The following SLC35F4 variants were observed in gnomAD, a reference collection of about 807,000 sequenced individuals.
The protein encoded by SLC35F4 is solute carrier family 35 member F4.
Under a neutral mutation model 44.2 loss-of-function variants are expected in SLC35F4, and 24 were observed. The observed-to-expected ratio is 0.54, with a 90% CI of 0.39 to 0.76. The LOEUF (loss-of-function observed/expected upper bound fraction) is 0.76, where lower values mean the gene tolerates loss of function less well. Ranked by LOEUF, SLC35F4 falls within the 30% of genes least tolerant of loss-of-function variation. The pLI is 0.00. For missense variants in SLC35F4, 562 were observed against 586.1 expected, an observed-to-expected ratio of 0.96 and a Z score of 0.42; for synonymous variants, 238 against 223.6, an observed-to-expected ratio of 1.06 and a Z score of -0.57.
rs148679154 is a variant in SLC35F4, at chr14:57,957,672, T to C, written n.282+24241A>G. ...CAATCATGCAGAGACAACCAGAGGATAGAGGCAGAGAAGGAGGCAGCAAAG... is the reference window on the plus strand; with the variant it reads ...CAATCATGCAGAGACAACCAGAGGACAGAGGCAGAGAAGGAGGCAGCAAAG... On this transcript the variant is annotated intron_variant and non_coding_transcript_variant, in intron 1 of 1. Transcript: ENST00000556568. 1.7e-4 allele frequency among the ~76,000 whole-genome samples: 26 copies of C among 152,046 alleles called. No homozygotes were observed. In the East Asian group the frequency reaches 5.0e-3, roughly 30 times the overall value.
intron 1 of SLC35F4, among the ~76,000 whole-genome samples, chr14:57,881,513 C>T (rs1268289097): frequency 2.0e-5 from 3 of 152,098 alleles, no homozygotes; most frequent in Admixed American, 6.6e-5. Context: ...ATCAACTTCT[C>T]TAAAATCTGG....
chr14:57,682,087 C>T (rs1290507125), intron 1 of SLC35F4, among the ~76,000 whole-genome samples: 1 of 152,066 alleles, frequency 6.6e-6, no homozygotes, highest in Admixed American at 6.6e-5. Context: ...GACAGTGTGG[C>T]GATTCCTCAA....
intron 1 of SLC35F4, among the ~76,000 whole-genome samples, chr14:57,895,051 T>C (rs1245398868): frequency 6.6e-6 from 1 of 152,108 alleles, no homozygotes; most frequent in Non-Finnish European, 1.5e-5. Flanking sequence ...TGAACATAGG[T>C]GGAAGCTATA....
At chr14:57,854,605 T>C (rs545595328) in intron 1 of SLC35F4, among the ~76,000 whole-genome samples, 11 of 152,308 alleles carry the variant, frequency 7.2e-5, no homozygotes, top group African/African-American at 2.6e-4. Context: ...CATCTTCAGC[T>C]GAGATTCCAC....
chr14:57,832,661 A>G (rs1422391975), intron 1 of SLC35F4, among the ~76,000 whole-genome samples: 6 of 152,220 alleles, frequency 3.9e-5, no homozygotes, highest in East Asian at 3.8e-4. Flanking sequence ...AATGATAACT[A>G]AAGTCCTGAT....
At chr14:57,900,898 G>A (rs1046176278) in intron 1 of SLC35F4, among the ~76,000 whole-genome samples, 1 of 152,142 alleles carries the variant, frequency 6.6e-6, no homozygotes, top group Non-Finnish European at 1.5e-5. Flanking sequence ...CATACATGCA[G>A]CCAACAAACA....
intron 1 of SLC35F4, among the ~76,000 whole-genome samples, chr14:57,598,258 G>A (rs1196725557): frequency 6.6e-6 from 1 of 152,160 alleles, no homozygotes; most frequent in Non-Finnish European, 1.5e-5. Flanking sequence ...CACAGCTTTA[G>A]CCTTCTGAGA....
chr14:57,943,778 C>T (rs1268078497), intron 1 of SLC35F4, among the ~76,000 whole-genome samples: 1 of 152,176 alleles, frequency 6.6e-6, no homozygotes, highest in Non-Finnish European at 1.5e-5. Flanking sequence ...TGAGAAAGTG[C>T]CAAGTTTGGT....
At chr14:57,883,346 C>G (rs1470562980) in intron 1 of SLC35F4, among the ~76,000 whole-genome samples, 1 of 152,156 alleles carries the variant, frequency 6.6e-6, no homozygotes, top group Non-Finnish European at 1.5e-5. Context: ...TGACTGCAGT[C>G]GTCAGGCGAT....
intron 1 of SLC35F4, among the ~76,000 whole-genome samples, chr14:57,652,098 G>A (rs2073804528): frequency 6.6e-6 from 1 of 152,194 alleles, no homozygotes; most frequent in Admixed American, 6.5e-5. Context: ...AGGAGTCTCA[G>A]CCTGTAACAT....
At chr14:57,822,828 C>A (rs890077999) in intron 1 of SLC35F4, among the ~76,000 whole-genome samples, 6 of 152,140 alleles carry the variant, frequency 3.9e-5, no homozygotes, top group Non-Finnish European at 7.3e-5. Context: ...TTGTGGCTTT[C>A]TCCTCTTATG....
chr14:57,823,522 G>A (rs1883403401), intron 1 of SLC35F4, among the ~76,000 whole-genome samples: 1 of 152,168 alleles, frequency 6.6e-6, no homozygotes, highest in Non-Finnish European at 1.5e-5. Flanking sequence ...CCCCTGAGGG[G>A]CCCTGCTGTC....
intron 1 of SLC35F4, among the ~76,000 whole-genome samples, chr14:57,657,264 T>A (rs906972549): frequency 6.6e-6 from 1 of 152,204 alleles, no homozygotes; most frequent in Non-Finnish European, 1.5e-5. Context: ...GGTTTTTCAG[T>A]CCTTTTTTTT....
chr14:57,902,942 A>G (rs1889036509), intron 1 of SLC35F4, among the ~76,000 whole-genome samples: 3 of 152,010 alleles, frequency 2.0e-5, no homozygotes, highest in Non-Finnish European at 4.4e-5. Flanking sequence ...TACACAACAC[A>G]TCTTTGCTGA....
At chr14:57,732,657 T>C (rs2076370455) in intron 1 of SLC35F4, among the ~76,000 whole-genome samples, 1 of 152,178 alleles carries the variant, frequency 6.6e-6, no homozygotes, top group Non-Finnish European at 1.5e-5. Flanking sequence ...AGGCAGGACC[T>C]GCTGTGAAAG....
intron 1 of SLC35F4, among the ~76,000 whole-genome samples, chr14:57,805,935 T>C (rs1445575051): frequency 1.3e-5 from 2 of 152,332 alleles, no homozygotes; most frequent in Admixed American, 6.5e-5. Flanking sequence ...TTTGGAATAT[T>C]CTCAGAATTG....
At chr14:57,587,447 A>C (rs771328411) in intron 3 of SLC35F4, among the ~76,000 whole-genome samples, 4 of 152,252 alleles carry the variant, frequency 2.6e-5, no homozygotes, top group Non-Finnish European at 5.9e-5. Context: ...GCAGCCATAA[A>C]AAAAGATGAG....
Position 57,702,321 on chromosome 14 carries a change from T to G in SLC35F4, c.104-108197A>C, listed in dbSNP as rs926244520. ...GTAATGCACTATGCCCAAATAAATA[T>G]CATTTTCTTTAAAAAAAAAAAAAAA... On this transcript the variant is annotated intron_variant, in intron 1 of 7. Coordinates refer to ENST00000556826, the MANE Select transcript of SLC35F4 (RefSeq NM_001306087.2). Among the ~76,000 whole-genome samples the G allele has an allele frequency of 1.4e-4, 17 of 124,650 alleles. 1 individual carries two copies. In the Admixed American group the frequency reaches 1.4e-3, roughly 10 times the overall value. 81.8% of individuals were successfully genotyped at this position (124,650 alleles called of 152,430 possible).
At chr14:57,794,028 T>C (rs1012368321) in intron 1 of SLC35F4, among the ~76,000 whole-genome samples, 10 of 152,088 alleles carry the variant, frequency 6.6e-5, no homozygotes, top group African/African-American at 2.4e-4. Context: ...TAAAACTAGA[T>C]TCCTATCTTT....
Sources: gnomAD v4.1 joint callset for allele counts (sites outside exome capture counted in the v4.1 genomes callset) on GRCh38, gnomAD v4.1.1 for gene constraint, MANE v1.5 for transcripts, NCBI Gene and HGNC (gene_info 2026-07-23, HGNC 2026-07-21) for gene names.